Variants in GABRB1 observed in about 807,000 individuals in gnomAD.
GABRB1 encodes the protein gamma-aminobutyric acid type A receptor subunit beta1.
A neutral mutation model predicts 51.6 loss-of-function variants in GABRB1; 17 were observed. The observed-to-expected ratio is 0.33, with a 90% confidence interval of 0.23 to 0.49. The LOEUF (loss-of-function observed/expected upper bound fraction) is 0.49. Among genes scored for constraint, GABRB1 ranks in the 20% least tolerant of loss-of-function variants. The pLI, the probability that GABRB1 is intolerant of heterozygous loss-of-function variation, is 0.99. For synonymous variants in GABRB1, 247 were observed against 218.9 expected, an observed-to-expected ratio of 1.13 and a Z score of -1.14; for missense variants, 410 against 600.6, an observed-to-expected ratio of 0.68 and a Z score of 3.32.
chr4:47,336,352 A>G (rs1414337599), intron 5 of GABRB1, among the ~76,000 whole-genome samples: 1 of 152,206 alleles, frequency 6.6e-6, no homozygotes, highest in Non-Finnish European at 1.5e-5. Flanking sequence ...GGTTGGGGAG[A>G]TAATAGAAAA....
intron 5 of GABRB1, among the ~76,000 whole-genome samples, chr4:47,401,073 C>T (rs1266200138): frequency 1.3e-5 from 2 of 151,926 alleles, no homozygotes; most frequent in Non-Finnish European, 2.9e-5. Flanking sequence ...ATATATGCCA[C>T]GTTTTTCTTT....
rs528385882 is a variant in GABRB1 at position 46,998,683 on chromosome 4, G to A, written c.-20+4757G>A. ...CGGGAGGCGGAGCTTGCAGTGAGCT[G>A]AGATTGTGCCACTGCACTGCAGCCT... On this transcript the variant is annotated intron_variant, in intron 1 of 3. Transcript: ENST00000513567. Among the ~76,000 whole-genome samples the A allele has an allele frequency of 4.8e-5, 7 of 144,946 alleles. No individual in the cohort carries two copies. The South Asian group carries it at 1.6e-3, about 33-fold the overall frequency.
chr4:47,104,265 T>G (rs1476655388), intron 3 of GABRB1, among the ~76,000 whole-genome samples: 1 of 151,790 alleles, frequency 6.6e-6, no homozygotes, highest in African/African-American at 2.4e-5. Flanking sequence ...TATAATATAG[T>G]CCTCATCTCT....
chr4:47,353,743 C>T (rs1023892149), intron 5 of GABRB1, among the ~76,000 whole-genome samples: 3 of 152,160 alleles, frequency 2.0e-5, no homozygotes, highest in African/African-American at 7.2e-5. Flanking sequence ...ACAGCAGTCC[C>T]TTATCACCTT....
intron 3 of GABRB1, among the ~76,000 whole-genome samples, chr4:47,073,258 A>G (rs1032196232): frequency 3.3e-5 from 5 of 152,204 alleles, no homozygotes; most frequent in African/African-American, 1.2e-4. Flanking sequence ...ATGTCTGGAC[A>G]TATTTAGAGC....
chr4:47,262,986 T>G (rs1722502555), intron 4 of GABRB1, among the ~76,000 whole-genome samples: 1 of 131,322 alleles, frequency 7.6e-6, no homozygotes, highest in Admixed American at 9.6e-5. Flanking sequence ...AGGTGGGAAT[T>G]GAACAGTGAG....
chr4:47,359,026 A>G (rs1320600845), intron 5 of GABRB1, among the ~76,000 whole-genome samples: 1 of 152,138 alleles, frequency 6.6e-6, no homozygotes, highest in African/African-American at 2.4e-5. Context: ...TAGAAATTTT[A>G]GGTTTTGTCC....
At chr4:47,421,901 T>C (rs1401002117) in intron 8 of GABRB1, among the ~76,000 whole-genome samples, 1 of 152,138 alleles carries the variant, frequency 6.6e-6, no homozygotes, top group Non-Finnish European at 1.5e-5. Flanking sequence ...TATTCCAAAG[T>C]ACCTAACAAA....
intron 4 of GABRB1, among the ~76,000 whole-genome samples, chr4:47,220,826 C>T (rs1204230489): frequency 1.3e-5 from 2 of 152,136 alleles, no homozygotes; most frequent in East Asian, 1.9e-4. Flanking sequence ...TAACTCCTCT[C>T]CCAGCCCCTC....
At chr4:47,189,410 A>G (rs1719333860) in intron 4 of GABRB1, among the ~76,000 whole-genome samples, 1 of 151,940 alleles carries the variant, frequency 6.6e-6, no homozygotes, top group Non-Finnish European at 1.5e-5. Context: ...ATAGAATATA[A>G]GAATGTAAGA....
intron 5 of GABRB1, among the ~76,000 whole-genome samples, chr4:47,372,920 C>T (rs1351224027): frequency 6.6e-6 from 1 of 152,188 alleles, no homozygotes; most frequent in Non-Finnish European, 1.5e-5. Context: ...CCTCCCCATA[C>T]TCACACACTA....
At chr4:46,999,220 T>C (rs1724104704) in intron 1 of GABRB1, among the ~76,000 whole-genome samples, 1 of 152,166 alleles carries the variant, frequency 6.6e-6, no homozygotes, top group Admixed American at 6.5e-5. Context: ...TTGATGGCCA[T>C]TTAAACATTG....
rs147209210 is a variant in GABRB1, at chr4:47,195,676, A to T, written c.461+34207A>T. On this transcript the variant is annotated intron_variant, in intron 4 of 8. Coordinates refer to ENST00000295454, the MANE Select transcript of GABRB1 (RefSeq NM_000812.4). The stretch of plus-strand genomic sequence containing the variant: ...TCCAACCTCCAGATGCAGAACAATA[A>T]TGTATTGATTTATTCTCTATTTATT... Among the ~76,000 whole-genome samples, 11 of 152,292 alleles carry T rather than the reference A, an allele frequency of 7.2e-5. No homozygotes were observed. In the East Asian group the frequency reaches 2.1e-3, roughly 29 times the overall value.
chr4:47,214,919 A>G (rs1164769270), intron 4 of GABRB1, among the ~76,000 whole-genome samples: 1 of 152,306 alleles, frequency 6.6e-6, no homozygotes, highest in Non-Finnish European at 1.5e-5. Context: ...AGCCCTAAGT[A>G]AAGACCATAT....
At chr4:47,201,544 T>C (rs575391382) in intron 4 of GABRB1, among the ~76,000 whole-genome samples, 1 of 152,264 alleles carries the variant, frequency 6.6e-6, no homozygotes, top group South Asian at 2.1e-4. Context: ...CCCATGCTTG[T>C]GGTTACCTTT....
At chr4:47,093,097 A>C (rs538313528) in intron 3 of GABRB1, among the ~76,000 whole-genome samples, 1 of 152,376 alleles carries the variant, frequency 6.6e-6, no homozygotes, top group African/African-American at 2.4e-5. Flanking sequence ...ATTCACATAC[A>C]GAAATTTCTG....
intron 4 of GABRB1, among the ~76,000 whole-genome samples, chr4:47,272,327 C>T (rs568305036): frequency 1.2e-3 from 185 of 152,214 alleles, no homozygotes; most frequent in Non-Finnish European, 2.2e-3. Flanking sequence ...TTCCCCTCCC[C>T]TTCTTTAAAA....
At chr4:47,158,570 A>G (rs1406436922) in intron 3 of GABRB1, among the ~76,000 whole-genome samples, 1 of 152,134 alleles carries the variant, frequency 6.6e-6, no homozygotes, top group Non-Finnish European at 1.5e-5. Flanking sequence ...TCTGTATGCT[A>G]ATGAGGAATC....
At chr4:47,283,815 AG>A (rs1235795655) in intron 4 of GABRB1, among the ~76,000 whole-genome samples, 1 of 152,174 alleles carries the variant, frequency 6.6e-6, no homozygotes, top group Admixed American at 6.5e-5. Flanking sequence ...AACCTGAATA[AG>A]GTCGATGACC....
Sources: allele counts gnomAD v4.1 joint callset (sites outside exome capture counted in the v4.1 genomes callset), GRCh38; gene constraint gnomAD v4.1.1; transcripts MANE v1.5; gene names NCBI Gene and HGNC (gene_info 2026-07-23, HGNC 2026-07-21).